KCNC2: variants seen among roughly 807,000 people sequenced by gnomAD.
The protein encoded by KCNC2 is voltage-gated potassium channel KCNC2.
In KCNC2, 21 loss-of-function variants were observed where a neutral mutation model predicts 44.5. The ratio of observed to expected loss-of-function variants is 0.47; its 90% CI spans 0.33 to 0.68. The LOEUF (loss-of-function observed/expected upper bound fraction) is 0.68. KCNC2 is among the 30% of genes least tolerant of loss of function. The pLI is 0.01. For missense variants in KCNC2, 589 were observed against 826.2 expected, an observed-to-expected ratio of 0.71 and a Z score of 3.52; for synonymous variants, 391 against 339.1, an observed-to-expected ratio of 1.15 and a Z score of -1.68.
At chr12:75,177,219 T>C (rs956309571) in intron 2 of KCNC2, among the ~76,000 whole-genome samples, 69 of 151,906 alleles carry the variant, frequency 4.5e-4, no homozygotes, top group African/African-American at 1.6e-3. Flanking sequence ...ATGAATTTAA[T>C]AAAATCTGAT....
At chr12:75,081,572 T>A (rs1357580761) in intron 2 of KCNC2, among the ~76,000 whole-genome samples, 1 of 152,012 alleles carries the variant, frequency 6.6e-6, no homozygotes, top group East Asian at 1.9e-4. Context: ...CTGGGTATAG[T>A]TTGCTAAATA....
chr12:75,153,767 A>G lies in KCNC2; in HGVS notation c.687+53530T>C, dbSNP rs78747023. 9.2e-3 allele frequency among the ~76,000 whole-genome samples: 1,393 copies of G among 152,100 alleles called. 20 individuals are homozygous for G. The highest frequency in any genetic ancestry group is 0.031 in the African/African-American group (1,286 of 41,544). Reference sequence around the variant, plus strand: ...ACAATAAAGCAAGCCAGAGAAAAGAAATGTTATTAAGAAAAACGTGAAGGA... The same window carrying G: ...ACAATAAAGCAAGCCAGAGAAAAGAGATGTTATTAAGAAAAACGTGAAGGA... On this transcript the variant is annotated intron_variant, in intron 2 of 4. Transcript: ENST00000549446.
chr12:75,198,741 CAA>C (rs1165184163), intron 2 of KCNC2, among the ~76,000 whole-genome samples: 2 of 151,578 alleles, frequency 1.3e-5, no homozygotes, highest in Admixed American at 6.6e-5. Flanking sequence ...TTAAAAGTAC[CAA>C]AATCAAGAAC....
intron 2 of KCNC2, among the ~76,000 whole-genome samples, chr12:75,092,453 T>G (rs1885568695): frequency 6.6e-6 from 1 of 151,652 alleles, no homozygotes; most frequent in Non-Finnish European, 1.5e-5. Flanking sequence ...TAAAAATAGC[T>G]TAATCAGTGT....
chr12:75,102,816 C>T (rs559410626), intron 2 of KCNC2, among the ~76,000 whole-genome samples: 1 of 152,008 alleles, frequency 6.6e-6, no homozygotes, highest in Non-Finnish European at 1.5e-5. Context: ...ATCTCCCCCC[C>T]ACCCACACGT....
chr12:75,098,014 T>C (rs2137163875), intron 2 of KCNC2, among the ~76,000 whole-genome samples: 1 of 152,214 alleles, frequency 6.6e-6, no homozygotes, highest in Non-Finnish European at 1.5e-5. Context: ...TAATAAAGCT[T>C]ATTATTTACA....
At chr12:75,103,458 C>G (rs2137191873) in intron 2 of KCNC2, among the ~76,000 whole-genome samples, 1 of 152,282 alleles carries the variant, frequency 6.6e-6, no homozygotes, top group East Asian at 1.9e-4. Context: ...TTCTTCACTG[C>G]CAGGGGTACT....
intron 2 of KCNC2, among the ~76,000 whole-genome samples, chr12:75,052,451 T>C (rs866527951): frequency 1.3e-5 from 2 of 152,146 alleles, no homozygotes; most frequent in African/African-American, 2.4e-5. Flanking sequence ...GCTGTTTGAA[T>C]GAATGGCACT....
chr12:75,097,752 A>G (rs1297555449), intron 2 of KCNC2, among the ~76,000 whole-genome samples: 1 of 152,116 alleles, frequency 6.6e-6, no homozygotes, highest in Non-Finnish European at 1.5e-5. Context: ...TAGCATTTTA[A>G]TTTAAGCTTT....
intron 2 of KCNC2, among the ~76,000 whole-genome samples, chr12:75,107,260 C>T (rs1156472017): frequency 1.3e-5 from 2 of 151,980 alleles, no homozygotes; most frequent in African/African-American, 2.4e-5. Context: ...GCCAAGATCA[C>T]GCCACTGCAA....
chr12:75,067,795 G>A (rs914256109), intron 2 of KCNC2, among the ~76,000 whole-genome samples: 2 of 151,628 alleles, frequency 1.3e-5, no homozygotes, highest in Non-Finnish European at 2.9e-5. Flanking sequence ...GCCTCCTTCT[G>A]TTTTCATAAT....
chr12:75,042,710 C>T lies in KCNC2; in HGVS notation c.*395G>A. 1.7e-6 allele frequency: 2 copies of T among 1,167,042 alleles called. No individual in the cohort carries two copies. The highest frequency in any genetic ancestry group is 2.1e-6 in the Non-Finnish European group (2 of 944,264). The allele number at this position is 1,167,042 out of a possible 1,614,324, so 72.3% of individuals were successfully genotyped here. A position where few individuals can be genotyped will look rare whatever the true frequency, so the allele number is the denominator to read the frequency against. On this transcript the variant is annotated 3_prime_UTR_variant, in exon 5 of 5. Transcript: ENST00000549446. Reference sequence around the variant, plus strand: ...GTCGTGTGCAATCAAGATAGGATCCCAGACATCTTCAGAATGGTTTACAGT... The same window carrying T: ...GTCGTGTGCAATCAAGATAGGATCCTAGACATCTTCAGAATGGTTTACAGT...
intron 2 of KCNC2, among the ~76,000 whole-genome samples, chr12:75,125,351 T>C (rs1228515043): frequency 6.6e-6 from 1 of 152,146 alleles, no homozygotes; most frequent in Non-Finnish European, 1.5e-5. Context: ...TAAACTCGAA[T>C]CAAAATTAGA....
intron 2 of KCNC2, among the ~76,000 whole-genome samples, chr12:75,165,105 T>C (rs1593006221): frequency 6.6e-6 from 1 of 151,644 alleles, no homozygotes; most frequent in African/African-American, 2.4e-5. Flanking sequence ...ATCATACCTA[T>C]CCATGAAAAA....
At chr12:75,163,881 G>A (rs1216929560) in intron 2 of KCNC2, among the ~76,000 whole-genome samples, 4 of 151,596 alleles carry the variant, frequency 2.6e-5, no homozygotes, top group Non-Finnish European at 4.4e-5. Context: ...GACCCATTTC[G>A]AAACTGCCAT....
intron 2 of KCNC2, among the ~76,000 whole-genome samples, chr12:75,120,762 T>C (rs1275727427): frequency 6.6e-6 from 1 of 152,202 alleles, no homozygotes; most frequent in African/African-American, 2.4e-5. Context: ...TGGGAATTAT[T>C]TGAGAGGGGC....
At chr12:75,148,585 T>C (rs1890178866) in intron 2 of KCNC2, among the ~76,000 whole-genome samples, 1 of 152,072 alleles carries the variant, frequency 6.6e-6, no homozygotes, top group Non-Finnish European at 1.5e-5. Context: ...TATTTCCTTT[T>C]GAAAGATTAA....
intron 2 of KCNC2, among the ~76,000 whole-genome samples, chr12:75,111,225 C>T (rs1887211399): frequency 6.6e-6 from 1 of 152,136 alleles, no homozygotes; most frequent in African/African-American, 2.4e-5. Flanking sequence ...TGTTAGAGTG[C>T]ATGTATTCTT....
intron 2 of KCNC2, among the ~76,000 whole-genome samples, chr12:75,110,435 C>T (rs1297453775): frequency 1.3e-5 from 2 of 152,102 alleles, no homozygotes; most frequent in East Asian, 1.9e-4. Context: ...GATGAGACAC[C>T]TATCACCAGG....
Sources: gnomAD v4.1 joint callset for allele counts (sites outside exome capture counted in the v4.1 genomes callset) on GRCh38, gnomAD v4.1.1 for gene constraint, MANE v1.5 for transcripts, NCBI Gene and HGNC (gene_info 2026-07-23, HGNC 2026-07-21) for gene names.